SLA: variants seen among roughly 807,000 people sequenced by gnomAD.
SLA encodes the protein src-like-adapter.
SLA carries 16 observed loss-of-function variants against 30.3 expected under a neutral mutation model. The ratio of observed to expected loss-of-function variants is 0.53; its 90% confidence interval spans 0.36 to 0.80. The LOEUF is 0.80. SLA is among the 30% of genes least tolerant of loss of function. The pLI, the probability that SLA is intolerant of heterozygous loss-of-function variation, is 0.01. For missense variants in SLA, 310 were observed against 345.2 expected, an observed-to-expected ratio of 0.90 and a Z score of 0.81; for synonymous variants, 143 against 137.8, an observed-to-expected ratio of 1.04 and a Z score of -0.26.
chr8:133,038,339 G>T lies in SLA; in HGVS notation c.*185C>A. ...ATGCCACAGCCCTGATCAGACACCA[G>T]GGAGGGGTTCCTTTGGTCATGATGT... is the stretch of plus-strand genomic sequence containing the variant. On this transcript the variant is annotated 3_prime_UTR_variant, in exon 9 of 9. Transcript: ENST00000338087. 1.6e-6 allele frequency: 1 copy of T among 609,444 alleles called. No homozygotes were observed. 37.8% of individuals were successfully genotyped at this position (609,444 alleles called of 1,614,324 possible).
intron 1 of SLA, among the ~76,000 whole-genome samples, chr8:133,086,474 G>A (rs1382861089): frequency 6.6e-6 from 1 of 152,008 alleles, no homozygotes; most frequent in Non-Finnish European, 1.5e-5. Context: ...GGATGTTCAT[G>A]TGGCACCTAT....
intron 4 of SLA, 66 bp from the exon 5 acceptor site, chr8:133,050,054 C>G (rs1840114685): frequency 3.0e-6 from 3 of 1,009,346 alleles, no homozygotes; most frequent in Non-Finnish European, 4.8e-6. Context: ...GATGAATGAA[C>G]AGAGTAATCA....
chr8:133,038,664 C>G lies in SLA; in HGVS notation c.691G>C (p.Glu231Gln), dbSNP rs751213413. The G allele has an allele frequency of 5.0e-6, 8 of 1,613,932 alleles. No homozygotes were observed. The East Asian group carries it at 1.8e-4, about 36-fold the overall frequency. Reference sequence around the variant, plus strand: ...AGGGACAGGTAAGAGGCAATGCTCTCTCGAAGGCCATAGCTGAAAAGGGAC... The same window carrying G: ...AGGGACAGGTAAGAGGCAATGCTCTGTCGAAGGCCATAGCTGAAAAGGGAC... ...DESLFSYGLR[E>Q]SIASYLSLTS... Residue 231 changes from glutamate (E) to glutamine (Q), a missense_variant, in exon 9 of 9, where the codon GAG (glutamate) becomes CAG (glutamine). Glu to Gln is a conservative substitution (Grantham distance 29). Coordinates refer to ENST00000338087, the MANE Select transcript of SLA (RefSeq NM_001045556.3).
Position 133,043,993 on chromosome 8 carries a change from C to A in SLA, c.484+991G>T, listed in dbSNP as rs748335067. ...GGAGCTCACGATTATGGGCCAGGCACCCTCCCCACTTTCCATGAACTAACT... is the reference window on the plus strand; with the variant it reads ...GGAGCTCACGATTATGGGCCAGGCAACCTCCCCACTTTCCATGAACTAACT... On this transcript the variant is annotated intron_variant, in intron 7 of 8. Coordinates refer to ENST00000338087, the MANE Select transcript of SLA (RefSeq NM_001045556.3). Among the ~76,000 whole-genome samples, 5 of 152,278 alleles carry A rather than the reference C, an allele frequency of 3.3e-5. No homozygotes were observed. In the South Asian group the frequency reaches 8.3e-4, roughly 25 times the overall value.
chr8:133,075,878 T>C (rs963363228), intron 1 of SLA: 1 of 152,170 alleles, frequency 6.6e-6, no homozygotes, highest in Non-Finnish European at 1.5e-5. Flanking sequence ...TAGGTGTGCA[T>C]TGTTCTACTC....
intron 1 of SLA, among the ~76,000 whole-genome samples, chr8:133,100,135 G>A (rs577794569): frequency 6.6e-6 from 1 of 152,196 alleles, no homozygotes; most frequent in Admixed American, 6.5e-5. Flanking sequence ...TCCCTTTAGA[G>A]TTTCTCAAAT....
At chr8:133,046,224 G>T (rs78804548) in intron 6 of SLA, among the ~76,000 whole-genome samples, 1 of 152,220 alleles carries the variant, frequency 6.6e-6, no homozygotes, top group Non-Finnish European at 1.5e-5. Context: ...GGAGCTGATT[G>T]ATTATTTGCT....
intron 1 of SLA, among the ~76,000 whole-genome samples, chr8:133,086,674 A>G (rs894569518): frequency 6.6e-6 from 1 of 152,248 alleles, no homozygotes; most frequent in African/African-American, 2.4e-5. Flanking sequence ...TAAAACCTGA[A>G]ACAATAATAG....
intron 3 of SLA, chr8:133,058,936 G>A (rs977347088): frequency 4.7e-5 from 22 of 466,724 alleles, no homozygotes; most frequent in Admixed American, 1.8e-4. Context: ...GGGGTGGCTG[G>A]GTCTTGGCAT....
intron 2 of SLA, among the ~76,000 whole-genome samples, chr8:133,065,647 A>C (rs1384904496): frequency 6.6e-6 from 1 of 152,120 alleles, no homozygotes; most frequent in Non-Finnish European, 1.5e-5. Context: ...CTGTAATCCC[A>C]ACTACTCAGG....
intron 1 of SLA, among the ~76,000 whole-genome samples, chr8:133,094,067 C>T (rs4548165): frequency 0.064 from 9,796 of 152,090 alleles, 532 homozygotes; most frequent in South Asian, 0.19. Context: ...GTCTGAGCTA[C>T]GGGGAGCCCC....
At chr8:133,080,403 C>T (rs1260332034) in intron 1 of SLA, among the ~76,000 whole-genome samples, 4 of 152,144 alleles carry the variant, frequency 2.6e-5, no homozygotes, top group African/African-American at 4.8e-5. Context: ...CACCACTAGG[C>T]CTAGGCTCAT....
At chr8:133,038,831 A>T (rs910356197) in intron 8 of SLA, 94 bp from the exon 9 acceptor site, 3 of 751,294 alleles carry the variant, frequency 4.0e-6, no homozygotes, top group Non-Finnish European at 6.5e-6. Context: ...GAACAGGAGG[A>T]AAAGAAAAAC....
intron 1 of SLA, chr8:133,094,827 A>C: frequency 1.5e-6 from 1 of 647,866 alleles, no homozygotes; most frequent in East Asian, 2.8e-5. Context: ...ACAGGTTAGG[A>C]AACTGAGGCC....
At chr8:133,060,006 A>G (rs2131325456) in intron 3 of SLA, 94 bp downstream of exon 3, 1 of 1,325,632 alleles carries the variant, frequency 7.5e-7, no homozygotes. Flanking sequence ...CCATTGCCCC[A>G]TTTAAGTAGT....
chr8:133,087,425 C>A (rs1176906210), intron 1 of SLA, among the ~76,000 whole-genome samples: 1 of 152,156 alleles, frequency 6.6e-6, no homozygotes, highest in East Asian at 1.9e-4. Flanking sequence ...AGAACCACCT[C>A]CTTCCTCCCT....
rs548818750 is a variant in SLA, at chr8:133,081,598, G to A, written c.-318-6468C>T. On this transcript the variant is annotated intron_variant, in intron 1 of 8. Coordinates refer to ENST00000338087, the MANE Select transcript of SLA (RefSeq NM_001045556.3). ...TCTCAGGAAGAAGAAGAAAAAAAAA[G>A]TAGCCGCTTTATGTCCACCACAACT... Among the ~76,000 whole-genome samples, 13 of 149,928 alleles carry A rather than the reference G, an allele frequency of 8.7e-5. No homozygotes were observed. In the East Asian group the frequency reaches 2.3e-3, roughly 27 times the overall value.
intron 1 of SLA, among the ~76,000 whole-genome samples, chr8:133,092,167 A>C (rs1018048526): frequency 6.6e-6 from 1 of 152,088 alleles, no homozygotes; most frequent in Non-Finnish European, 1.5e-5. Flanking sequence ...TGGTACCAAT[A>C]AACTCCTTGA....
intron 3 of SLA, among the ~76,000 whole-genome samples, chr8:133,057,976 G>A (rs1841766031): frequency 6.6e-6 from 1 of 152,130 alleles, no homozygotes; most frequent in Non-Finnish European, 1.5e-5. Context: ...AGCTAATGTG[G>A]GAGCTGGCTC....
Sources: allele counts gnomAD v4.1 joint callset (sites outside exome capture counted in the v4.1 genomes callset), GRCh38; gene constraint gnomAD v4.1.1; transcripts MANE v1.5; gene names NCBI Gene and HGNC (gene_info 2026-07-23, HGNC 2026-07-21).